TGM4: variants seen among roughly 807,000 people sequenced by gnomAD.
TGM4 encodes transglutaminase 4.
A neutral mutation model predicts 76.3 loss-of-function variants in TGM4; 61 were observed. The ratio of observed to expected loss-of-function variants is 0.80; its 90% CI spans 0.65 to 0.99. The LOEUF is 0.99. Among genes scored for constraint, TGM4 ranks in the 50% least tolerant of loss-of-function variants. TGM4 has a pLI of 0.00. For synonymous variants in TGM4, 337 were observed against 329.8 expected (o/e 1.02, Z -0.24); for missense variants, 794 against 843.2 (o/e 0.94, Z 0.72).
chr3:44,902,048 C>A, intron 8 of TGM4, 117 bp downstream of exon 8: 3 of 1,261,758 alleles, frequency 2.4e-6, no homozygotes, highest in South Asian at 1.4e-5. Context: ...TGGTGTCAAG[C>A]AGTCCTCCTG....
chr3:44,897,770 T>C (rs79021134), intron 6 of TGM4, among the ~76,000 whole-genome samples: 3,362 of 152,328 alleles, frequency 0.022, 68 homozygotes, highest in Middle Eastern at 0.065. Context: ...ATAATTCCAT[T>C]ACATGTTAAC....
intron 9 of TGM4, 91 bp from the exon 10 acceptor site, chr3:44,906,858 G>T (rs1328127972): frequency 6.4e-7 from 1 of 1,561,252 alleles, no homozygotes; most frequent in Non-Finnish European, 8.7e-7. Flanking sequence ...TGCCAGTCCT[G>T]TTTGAGTTTG....
At position 44,913,999 on chromosome 3, in the gene TGM4, A is replaced by C. The variant is rs971509093; in HGVS notation, c.*274A>C. ...CATGGCCTCAAAAATCAGGGCCACC[A>C]TTGTCTCAATTCAAATCCATAGATT... On this transcript the variant is annotated 3_prime_UTR_variant, in exon 14 of 14. Transcript: ENST00000296125. 2.8e-6 allele frequency: 1 copy of C among 358,848 alleles called. No individual in the cohort carries two copies. The highest frequency in any genetic ancestry group is 2.1e-5 in the African/African-American group (1 of 47,456). 22.2% of individuals were successfully genotyped at this position (358,848 alleles called of 1,614,324 possible).
chr3:44,893,762 TAGTC>T (rs1303183408), intron 5 of TGM4, 67 bp downstream of exon 5: 2 of 1,373,922 alleles, frequency 1.5e-6, no homozygotes, highest in East Asian at 4.6e-5. Flanking sequence ...AGCTGGGTAG[TAGTC>T]AGTAAAGGTT....
chr3:44,890,836 G>A, intron 4 of TGM4, 104 bp downstream of exon 4: 1 of 1,430,950 alleles, frequency 7.0e-7, no homozygotes, highest in South Asian at 1.4e-5. Flanking sequence ...CAAGGTACTT[G>A]CAAACTAGTT....
chr3:44,910,969 A>ACT lies in TGM4; in HGVS notation c.1621_1622dup (p.Thr542Ter). The ACT allele has an allele frequency of 6.2e-7, 1 of 1,613,998 alleles. No individual in the cohort carries two copies. The highest frequency in any genetic ancestry group is 8.5e-7 in the Non-Finnish European group (1 of 1,179,962). On this transcript the variant is annotated frameshift_variant, in exon 12 of 14. Coordinates refer to ENST00000296125, the MANE Select transcript of TGM4 (RefSeq NM_003241.4). LOFTEE classifies it high-confidence loss of function. Reference sequence around the variant, plus strand: ...TGACTCTTTGGCAGTATCAGAAGTGACTCTGACCTTGGACTCCAAGACCTA... The same window carrying ACT: ...TGACTCTTTGGCAGTATCAGAAGTGACTCTCTGACCTTGGACTCCAAGACCTA...
rs374727945 is a variant in TGM4 at position 44,910,288 on chromosome 3, C to T, written c.1526C>T (p.Ser509Phe). ...CTACAGAATGTCAACATCTTGGGCT[C>T]CTTTGAACTACAGTTGTACACTGGC... The part of the protein sequence containing the change: ...AALQNVNILG[S>F]FELQLYTGKK... The change falls in exon 11 of 14, where the codon TCC becomes TTC. Residue 509 changes from serine to phenylalanine, a missense_variant. Transcript: ENST00000296125. 6 of 1,614,034 alleles carry T rather than the reference C, an allele frequency of 3.7e-6. No individual in the cohort carries two copies. The highest frequency in any genetic ancestry group is 5.1e-6 in the Non-Finnish European group (6 of 1,180,042).
Position 44,903,911 on chromosome 3 carries a change from G to C in TGM4, c.999G>C (p.Trp333Cys), listed in dbSNP as rs1318181375. 6.2e-7 allele frequency: 1 copy of C among 1,614,086 alleles called. No individual in the cohort carries two copies. The highest frequency in any genetic ancestry group is 8.5e-7 in the Non-Finnish European group (1 of 1,180,036). ...VWNFHVWTDA[W>C]MKRPDLPKGY... ...ATTTCCATGTGTGGACGGATGCCTG[G>C]ATGAAGCGACCGGATCTGCCCAAGG... The change falls in exon 9 of 14, where the codon TGG becomes TGC. Residue 333 changes from tryptophan (W) to cysteine (C), a missense_variant. Physicochemically the swap from Trp to Cys is radical, Grantham distance 215. Transcript: ENST00000296125.
intron 6 of TGM4, among the ~76,000 whole-genome samples, chr3:44,900,614 G>A (rs1699839838): frequency 6.6e-6 from 1 of 152,212 alleles, no homozygotes; most frequent in Non-Finnish European, 1.5e-5. Context: ...AAGGCATGAT[G>A]AGGTTTGCAA....
Position 44,914,034 on chromosome 3 carries a change from C to A in TGM4, c.*309C>A. 1 of 289,122 alleles carries A rather than the reference C, an allele frequency of 3.5e-6. No homozygotes were observed. The highest frequency in any genetic ancestry group is 5.6e-5 in the South Asian group (1 of 17,832). 17.9% of individuals were successfully genotyped at this position (289,122 alleles called of 1,614,324 possible). A position where few individuals can be genotyped will look rare whatever the true frequency, so the allele number is the denominator to read the frequency against. On this transcript the variant is annotated 3_prime_UTR_variant, in exon 14 of 14. Transcript: ENST00000296125. ...TTCAAATCCATAGATTTCGAAGCCACAGAGTCTCTCCCTGGAGCAGCAGAC... is the reference window on the plus strand; with the variant it reads ...TTCAAATCCATAGATTTCGAAGCCAAAGAGTCTCTCCCTGGAGCAGCAGAC...
intron 1 of TGM4, among the ~76,000 whole-genome samples, chr3:44,879,392 T>C (rs1699499847): frequency 6.6e-6 from 1 of 151,410 alleles, no homozygotes; most frequent in South Asian, 2.1e-4. Context: ...CTGCAACCTC[T>C]GCCTCCCCGG....
At chr3:44,902,820 C>T (rs1431353086) in intron 8 of TGM4, among the ~76,000 whole-genome samples, 2 of 152,082 alleles carry the variant, frequency 1.3e-5, no homozygotes, top group African/African-American at 4.8e-5. Flanking sequence ...CACATGGGCC[C>T]CTTGCAAGCT....
At chr3:44,905,800 C>T (rs1699913984) in intron 9 of TGM4, among the ~76,000 whole-genome samples, 1 of 150,604 alleles carries the variant, frequency 6.6e-6, no homozygotes, top group Admixed American at 6.6e-5. Context: ...GAGGTGGCCC[C>T]CAGAGGTGGG....
chr3:44,910,654 A>G (rs907633366), intron 11 of TGM4, among the ~76,000 whole-genome samples: 1 of 152,172 alleles, frequency 6.6e-6, no homozygotes, highest in Non-Finnish European at 1.5e-5. Context: ...AGAAATTTTA[A>G]TCTCAGATGC....
Position 44,911,110 on chromosome 3 carries a change from C to T in TGM4, c.1759C>T (p.Pro587Ser). ...TGAAGTATTCACGTCTTTCCAGTAC[C>T]CTGAGTTCTCTATAGAGGTGAGCTT... ...ASEVFTSFQYPEFSIELPNTG... is the reference protein window; with the variant it reads ...ASEVFTSFQYSEFSIELPNTG... The change falls in exon 12 of 14, where the codon CCT becomes TCT. Residue 587 changes from proline (P) to serine (S), a missense_variant. Transcript: ENST00000296125. The T allele has an allele frequency of 6.2e-7, 1 of 1,614,118 alleles. No individual in the cohort carries two copies. The highest frequency in any genetic ancestry group is 1.3e-5 in the African/African-American group (1 of 75,012).
chr3:44,881,162 C>A (rs1699526568), intron 1 of TGM4, among the ~76,000 whole-genome samples: 1 of 151,942 alleles, frequency 6.6e-6, no homozygotes, highest in South Asian at 2.1e-4. Context: ...CGTGTTCACA[C>A]CACGGCACTC....
At chr3:44,884,014 G>A (rs185848983) in intron 1 of TGM4, among the ~76,000 whole-genome samples, 1 of 152,122 alleles carries the variant, frequency 6.6e-6, no homozygotes, top group Non-Finnish European at 1.5e-5. Context: ...CTCCATATGT[G>A]CCTCCCTGGG....
intron 5 of TGM4, among the ~76,000 whole-genome samples, chr3:44,895,156 G>A (rs749317803): frequency 2.6e-5 from 4 of 152,100 alleles, no homozygotes; most frequent in Admixed American, 6.5e-5. Flanking sequence ...TTAGCCAGGC[G>A]TGGTGGCACG....
At chr3:44,905,355 T>G (rs1196278479) in intron 9 of TGM4, among the ~76,000 whole-genome samples, 1 of 151,886 alleles carries the variant, frequency 6.6e-6, no homozygotes, top group Non-Finnish European at 1.5e-5. Context: ...CACCTCATAA[T>G]GTAAAGCAGA....
Sources: allele counts gnomAD v4.1 joint callset (sites outside exome capture counted in the v4.1 genomes callset), GRCh38; gene constraint gnomAD v4.1.1; transcripts MANE v1.5; gene names NCBI Gene and HGNC (gene_info 2026-07-23, HGNC 2026-07-21).